Variants in PER1 observed in about 807,000 individuals in gnomAD.
The protein encoded by PER1 is period circadian regulator 1.
In PER1, 87 loss-of-function variants were observed where a neutral mutation model predicts 125.9. The observed-to-expected ratio is 0.69, with a 90% CI of 0.58 to 0.83. The LOEUF is 0.83. Ranked by LOEUF, PER1 falls within the 40% of genes least tolerant of loss-of-function variation. The pLI, the probability that PER1 is intolerant of heterozygous loss-of-function variation, is 0.00. For synonymous variants in PER1, 801 were observed against 714.7 expected (o/e 1.12, Z -1.93); for missense variants, 1,775 against 1,722.8 (o/e 1.03, Z -0.54).
Position 8,149,754 on chromosome 17 carries a change from C to A in PER1, c.651+1G>T, listed in dbSNP as rs1247506705. ...GATGCAGAGGCCAGGCCGCCGCTGA[C>A]CTGGTTCTGAAGTGTGTACTCAGAC... On this transcript the variant is annotated splice_donor_variant, in intron 5 of 22. Transcript: ENST00000317276. LOFTEE classifies it high-confidence loss of function. The A allele has an allele frequency of 1.2e-6, 2 of 1,612,834 alleles. No homozygotes were observed. Among genetic ancestry groups the A allele is most frequent in the East Asian group, 2.2e-5 (1 of 44,876 alleles).
At chr17:8,151,342 A>C (rs973488886) in intron 1 of PER1, among the ~76,000 whole-genome samples, 1 of 152,204 alleles carries the variant, frequency 6.6e-6, no homozygotes, top group African/African-American at 2.4e-5. Flanking sequence ...TGCTGAGCTC[A>C]GCGGTTGCTG....
chr17:8,148,342 G>A, intron 8 of PER1, 83 bp from the exon 9 acceptor site: 3 of 1,180,430 alleles, frequency 2.5e-6, no homozygotes, highest in Non-Finnish European at 3.7e-6. Flanking sequence ...GCCCAGGCTG[G>A]CTGATGATCT....
At position 8,141,820 on chromosome 17, in the gene PER1, C is replaced by T. The variant is rs1359883333; in HGVS notation, c.3585G>A (p.Arg1195=). 2 of 1,613,826 alleles carry T rather than the reference C, an allele frequency of 1.2e-6. No homozygotes were observed. The highest frequency in any genetic ancestry group is 1.3e-5 in the African/African-American group (1 of 74,832). ...HSWVRKGQLP[R]ALDVMACVDC... is the part of the protein sequence containing the mutation. ...CTTCTCTCACCATCACATCAAGAGCCCGAGGCAGTTGGCCCTTCCGGACCC... is the reference window on the plus strand; with the variant it reads ...CTTCTCTCACCATCACATCAAGAGCTCGAGGCAGTTGGCCCTTCCGGACCC... Residue 1195 remains arginine, a synonymous_variant, in exon 22 of 23, where the codon CGG becomes CGA. Transcript: ENST00000317276.
intron 1 of PER1, among the ~76,000 whole-genome samples, chr17:8,151,893 A>G (rs930331490): frequency 6.6e-6 from 1 of 152,198 alleles, no homozygotes; most frequent in Non-Finnish European, 1.5e-5. Context: ...GTTGTGGCCA[A>G]CAGCAGGAAC....
Position 8,150,560 on chromosome 17 carries a change from G to A in PER1, c.147C>T (p.Ser49=), listed in dbSNP as rs1429815633. The change falls in exon 2 of 23, where the codon AGC becomes AGT. Residue 49 remains serine (S), a synonymous_variant. Coordinates refer to ENST00000317276, the MANE Select transcript of PER1 (RefSeq NM_002616.3). ...TGGACTCATTGCCACTTGAACCATT[G>A]CTGTTGGCATCGGTGTCATCGGCCA... ...PSLADDTDAN[S]NGSSGNESNG... 1.9e-6 allele frequency: 3 copies of A among 1,614,142 alleles called. No homozygotes were observed. In the South Asian group the frequency reaches 3.3e-5, roughly 18 times the overall value.
rs1451161969 is a variant in PER1, at chr17:8,142,696, G to A, written c.3212C>T (p.Ser1071Phe). 2 of 1,614,008 alleles carry A rather than the reference G, an allele frequency of 1.2e-6. No homozygotes were observed. Among genetic ancestry groups the A allele is most frequent in the Admixed American group, 1.7e-5 (1 of 60,024 alleles). Residue 1071 changes from serine to phenylalanine, a missense_variant, in exon 20 of 23, where the codon TCT becomes TTT. Physicochemically the swap from Ser to Phe is radical, Grantham distance 155 (BLOSUM62 -2). Transcript: ENST00000317276. ...GSLGSGLGSG[S>F]GSGSHEGGST... ...GCCCCCTTCATGGGAGCCTGAACCA[G>A]ACCCAGAGCCCAAGCCAGAGCCCAA...
Position 8,146,030 on chromosome 17 carries a change from C to T in PER1, c.2146G>A (p.Val716Met). The T allele has an allele frequency of 6.2e-7, 1 of 1,614,048 alleles. No individual in the cohort carries two copies. Among genetic ancestry groups the T allele is most frequent in the Non-Finnish European group, 8.5e-7 (1 of 1,179,980 alleles). Residue 716 changes from valine (V) to methionine (M), a missense_variant, in exon 17 of 23, where the codon GTG (valine) becomes ATG (methionine). Physicochemically the swap from Val to Met is conservative, Grantham distance 21. Coordinates refer to ENST00000317276, the MANE Select transcript of PER1 (RefSeq NM_002616.3). ...LALANKAESVVSVTSQCSFSS... is the reference protein window; with the variant it reads ...LALANKAESVMSVTSQCSFSS... ...AAGCTACACTGACTGGTGACGGACA[C>T]CACACTCTCCGCCTTATTGGCCAGG... is the stretch of plus-strand genomic sequence containing the variant.
At chr17:8,150,926 C>G in intron 1 of PER1, 81 bp from the exon 2 acceptor site, 3 of 512,524 alleles carry the variant, frequency 5.9e-6, no homozygotes, top group Non-Finnish European at 1.0e-5. Context: ...TCAGACCTTC[C>G]CCCTGCCTGG....
rs775692959 is a variant in PER1 at position 8,146,929 on chromosome 17, C to G, written c.1703G>C (p.Arg568Pro). Residue 568 changes from arginine (R) to proline (P), a missense_variant, in exon 14 of 23, where the codon CGG becomes CCG. Arg to Pro is a moderately radical substitution (Grantham distance 103, BLOSUM62 -2). Coordinates refer to ENST00000317276, the MANE Select transcript of PER1 (RefSeq NM_002616.3). The part of the protein sequence containing the change: ...HQGQQLFIES[R>P]ARPQSRPRLP... Reference sequence around the variant, plus strand: ...GCGGGGCCGGGACTGAGGCCGGGCCCGAGACTCAATAAAAAGCTGCTGGCC... The same window carrying G: ...GCGGGGCCGGGACTGAGGCCGGGCCGGAGACTCAATAAAAAGCTGCTGGCC... 1 of 1,613,836 alleles carries G rather than the reference C, an allele frequency of 6.2e-7. No individual in the cohort carries two copies. The highest frequency in any genetic ancestry group is 1.3e-5 in the African/African-American group (1 of 74,862).
intron 21 of PER1, 126 bp from the exon 22 acceptor site, chr17:8,142,081 C>G (rs1188028696): frequency 8.2e-6 from 11 of 1,336,758 alleles, no homozygotes; most frequent in East Asian, 2.5e-5. Flanking sequence ...TAGTGCTATG[C>G]GAGGTCAAGG....
chr17:8,143,363 A>G lies in PER1; in HGVS notation c.2975T>C (p.Leu992Pro). Residue 992 changes from leucine (L) to proline (P), a missense_variant, in exon 19 of 23, where the codon CTC (leucine) becomes CCC (proline). Transcript: ENST00000317276. The stretch of plus-strand genomic sequence containing the variant: ...AACAGCAGCCCCCTCAGCACGGGGG[A>G]GCTCCTCCAGCTGCAGCAGATTGAG... Reference protein sequence around the residue: ...LQLNLLQLEELPRAEGAAVAG... With the variant: ...LQLNLLQLEEPPRAEGAAVAG... 1.2e-6 allele frequency: 2 copies of G among 1,612,544 alleles called. No homozygotes were observed. The highest frequency in any genetic ancestry group is 1.3e-5 in the African/African-American group (1 of 74,904).
Position 8,142,680 on chromosome 17 carries a change from A to G in PER1, c.3228T>C (p.His1076=), listed in dbSNP as rs1182794434. The change falls in exon 20 of 23, where the codon CAT becomes CAC. Residue 1076 remains histidine (H), a synonymous_variant. Coordinates refer to ENST00000317276, the MANE Select transcript of PER1 (RefSeq NM_002616.3). ...GLGSGSGSGS[H]EGGSTSASIT... is the part of the protein sequence containing the mutation. The stretch of plus-strand genomic sequence containing the variant: ...TGCTGGCTGAGGTGCTGCCCCCTTC[A>G]TGGGAGCCTGAACCAGACCCAGAGC... 2 of 1,613,944 alleles carry G rather than the reference A, an allele frequency of 1.2e-6. No individual in the cohort carries two copies. The highest frequency in any genetic ancestry group is 1.7e-6 in the Non-Finnish European group (2 of 1,179,988).
At chr17:8,152,177 CGAG>C (rs1459682683) in intron 1 of PER1, among the ~76,000 whole-genome samples, 157 bp downstream of exon 1, 4 of 152,254 alleles carry the variant, frequency 2.6e-5, no homozygotes, top group East Asian at 1.9e-4. Context: ...TGCAAGATTT[CGAG>C]GAGGACTTCG....
Position 8,149,751 on chromosome 17 carries a change from T to C in PER1, c.651+4A>G, listed in dbSNP as rs1032874724. 2 of 1,612,696 alleles carry C rather than the reference T, an allele frequency of 1.2e-6. No individual in the cohort carries two copies. The highest frequency in any genetic ancestry group is 2.7e-5 in the African/African-American group (2 of 74,918). The stretch of plus-strand genomic sequence containing the variant: ...CGGGATGCAGAGGCCAGGCCGCCGC[T>C]GACCTGGTTCTGAAGTGTGTACTCA... On this transcript the variant is annotated splice_donor_region_variant and intron_variant, in intron 5 of 22. Transcript: ENST00000317276.
At position 8,146,626 on chromosome 17, in the gene PER1, G is replaced by A. The variant is rs777237765; in HGVS notation, c.1875C>T (p.Tyr625=). 6 of 1,613,004 alleles carry A rather than the reference G, an allele frequency of 3.7e-6. No homozygotes were observed. In the Admixed American group the frequency reaches 6.7e-5, roughly 18 times the overall value. Residue 625 remains tyrosine, a synonymous_variant, in exon 15 of 23, where the codon TAC becomes TAT. Coordinates refer to ENST00000317276, the MANE Select transcript of PER1 (RefSeq NM_002616.3). ...AERKEASSCS[Y]QQINCLDSIL... is the part of the protein sequence containing the mutation. ...TGCTGTCCAGGCAGTTGATCTGCTG[G>A]TAGGAGCAGCTGGAGGCTTCTTTCC...
At chr17:8,151,441 G>C (rs2585399) in intron 1 of PER1, among the ~76,000 whole-genome samples, 1 of 151,890 alleles carries the variant, frequency 6.6e-6, no homozygotes, top group South Asian at 2.1e-4. Context: ...TGGTGGGCGC[G>C]GCCGGGGGGG....
Position 8,141,885 on chromosome 17 carries a change from A to G in PER1, c.3520T>C (p.Ser1174Pro). 6.2e-7 allele frequency: 1 copy of G among 1,614,160 alleles called. No homozygotes were observed. The highest frequency in any genetic ancestry group is 8.5e-7 in the Non-Finnish European group (1 of 1,180,032). ...RAMQKQQPRF[S>P]EDQRRELGAV... Reference sequence around the variant, plus strand: ...CCCAGTTCCCGCCGCTGGTCCTCAGAAAACCGAGGCTGCTGCTTCTGCATG... The same window carrying G: ...CCCAGTTCCCGCCGCTGGTCCTCAGGAAACCGAGGCTGCTGCTTCTGCATG... Residue 1174 changes from serine (S) to proline (P), a missense_variant, in exon 22 of 23, where the codon TCT (serine) becomes CCT (proline). Transcript: ENST00000317276.
rs1379477613 is a variant in PER1 at position 8,146,399 on chromosome 17, C to T, written c.2011G>A (p.Gly671Ser). ...SASDDDRQRTGPVSVGTKKDP... is the reference protein window; with the variant it reads ...SASDDDRQRTSPVSVGTKKDP... ...TTCTTGGTCCCCACAGAGACTGGAC[C>T]TGTCCTCTGCCTGTCGTCGTCAGAG... is the stretch of plus-strand genomic sequence containing the variant. The change falls in exon 16 of 23, where the codon GGT becomes AGT. Residue 671 changes from glycine to serine, a missense_variant. Physicochemically the swap from Gly to Ser is moderately conservative, Grantham distance 56. Coordinates refer to ENST00000317276, the MANE Select transcript of PER1 (RefSeq NM_002616.3). The T allele has an allele frequency of 5.6e-6, 9 of 1,611,758 alleles. No homozygotes were observed. The highest frequency in any genetic ancestry group is 7.6e-6 in the Non-Finnish European group (9 of 1,178,880).
chr17:8,145,481 G>A (rs1256628608), intron 17 of PER1, among the ~76,000 whole-genome samples: 3 of 151,912 alleles, frequency 2.0e-5, no homozygotes, highest in South Asian at 2.1e-4. Context: ...GCGCCACCAC[G>A]CCCGGCTAAT....
Sources: allele counts gnomAD v4.1 joint callset (sites outside exome capture counted in the v4.1 genomes callset), GRCh38; gene constraint gnomAD v4.1.1; transcripts MANE v1.5; gene names NCBI Gene and HGNC (gene_info 2026-07-23, HGNC 2026-07-21).